RUNDC3B: variants seen among roughly 807,000 people sequenced by gnomAD.
RUNDC3B encodes the protein RUN domain-containing protein 3B.
Under a neutral mutation model 58.4 loss-of-function variants are expected in RUNDC3B, and 33 were observed. The ratio of observed to expected loss-of-function variants is 0.56; its 90% CI spans 0.43 to 0.75. The LOEUF (loss-of-function observed/expected upper bound fraction) is 0.75. Ranked by LOEUF, RUNDC3B falls within the 30% of genes least tolerant of loss-of-function variation. The pLI, the probability that RUNDC3B is intolerant of heterozygous loss-of-function variation, is 0.00. For synonymous variants in RUNDC3B, 193 were observed against 195.2 expected (o/e 0.99, Z 0.10); for missense variants, 501 against 535.7 (o/e 0.94, Z 0.64).
chr7:87,628,940 G>T lies in RUNDC3B; in HGVS notation c.117G>T (p.Val39=), dbSNP rs939912553. Residue 39 remains valine, a synonymous_variant, in exon 1 of 11, where the codon GTG becomes GTT. Transcript: ENST00000394654. ...TGGAGAGGAGGAACCTGATCACCGT[G>T]TGCAGGTACGGCAGCGCAGGGCGAG... The part of the protein sequence containing the change: ...AAVERRNLIT[V]CRFSVKTLID... 3.1e-6 allele frequency: 4 copies of T among 1,310,032 alleles called. No homozygotes were observed. Among genetic ancestry groups the T allele is most frequent in the Admixed American group, 3.1e-5 (1 of 32,484 alleles). The allele number at this position is 1,310,032 out of a possible 1,614,324, so 81.2% of individuals were successfully genotyped here.
intron 8 of RUNDC3B, among the ~76,000 whole-genome samples, chr7:87,785,388 C>T (rs1442108662): frequency 2.6e-5 from 4 of 152,142 alleles, no homozygotes; most frequent in African/African-American, 4.8e-5. Flanking sequence ...GGGGCTCCCT[C>T]CTCACTAGAG....
At chr7:87,771,718 A>G (rs1199688390) in intron 7 of RUNDC3B, among the ~76,000 whole-genome samples, 1 of 152,228 alleles carries the variant, frequency 6.6e-6, no homozygotes, top group Non-Finnish European at 1.5e-5. Context: ...AGAAACTTGC[A>G]TTTTAACACC....
chr7:87,749,967 T>C (rs1172939055), intron 6 of RUNDC3B, among the ~76,000 whole-genome samples: 2 of 151,990 alleles, frequency 1.3e-5, no homozygotes, highest in African/African-American at 4.8e-5. Flanking sequence ...CATGCTGGTG[T>C]GCTGCACCCA....
intron 2 of RUNDC3B, among the ~76,000 whole-genome samples, chr7:87,660,575 C>G (rs1824595927): frequency 6.6e-6 from 1 of 151,646 alleles, no homozygotes; most frequent in South Asian, 2.1e-4. Flanking sequence ...AGAGATTTGT[C>G]TGTTTTATTA....
At chr7:87,677,303 A>C (rs1238435266) in intron 2 of RUNDC3B, among the ~76,000 whole-genome samples, 1 of 150,678 alleles carries the variant, frequency 6.6e-6, no homozygotes, top group Admixed American at 6.6e-5. Flanking sequence ...ACACACACAC[A>C]CACACACCAC....
At position 87,745,946 on chromosome 7, in the gene RUNDC3B, A is replaced by G. The variant is rs192059385; in HGVS notation, c.629+4367A>G. ...TTTGATATAGGTATTTAGGGCCATG[A>G]ACTTTCCTTTTAGCACCGCCTTTGC... On this transcript the variant is annotated intron_variant, in intron 6 of 10. Coordinates refer to ENST00000394654, the MANE Select transcript of RUNDC3B (RefSeq NM_001134405.2). 5.4e-4 allele frequency among the ~76,000 whole-genome samples: 82 copies of G among 152,262 alleles called. No individual in the cohort carries two copies. The East Asian group carries it at 0.015, about 28-fold the overall frequency.
rs986073194 is a variant in RUNDC3B at position 87,691,892 on chromosome 7, C to T, written c.239-8529C>T. On this transcript the variant is annotated intron_variant, in intron 2 of 10. Coordinates refer to ENST00000394654, the MANE Select transcript of RUNDC3B (RefSeq NM_001134405.2). ...GGTCTTGGCAGCCTTGTCTCTGGGC[C>T]TACCTTTTCTCATCTGTAAAATGAG... Among the ~76,000 whole-genome samples, 4 of 152,134 alleles carry T rather than the reference C, an allele frequency of 2.6e-5. No homozygotes were observed. The South Asian group carries it at 8.3e-4, about 31-fold the overall frequency.
rs546129813 is a variant in RUNDC3B at position 87,813,850 on chromosome 7, A to G, written c.1104-2291A>G. On this transcript the variant is annotated intron_variant, in intron 9 of 10. Coordinates refer to ENST00000394654, the MANE Select transcript of RUNDC3B (RefSeq NM_001134405.2). The stretch of plus-strand genomic sequence containing the variant: ...AAAAAAAATAGCCGGGCGTGGTGGC[A>G]GGCGCCTGTAATCCCAGCTACTCAG... 5.2e-3 allele frequency among the ~76,000 whole-genome samples: 791 copies of G among 151,516 alleles called. 8 individuals carry two copies. Among genetic ancestry groups the G allele is most frequent in the African/African-American group, 0.018 (746 of 41,416 alleles).
At chr7:87,695,295 T>A (rs2130665888) in intron 2 of RUNDC3B, among the ~76,000 whole-genome samples, 1 of 152,256 alleles carries the variant, frequency 6.6e-6, no homozygotes, top group South Asian at 2.1e-4. Flanking sequence ...AGTACCTTTT[T>A]AAAGGAAAAG....
chr7:87,684,082 AT>A (rs1301072507), intron 2 of RUNDC3B, among the ~76,000 whole-genome samples: 1 of 152,214 alleles, frequency 6.6e-6, no homozygotes, highest in East Asian at 1.9e-4. Flanking sequence ...ATTTGACAAA[AT>A]TCAACTTTAA....
chr7:87,648,712 T>A (rs375818876), intron 1 of RUNDC3B, among the ~76,000 whole-genome samples: 14 of 152,268 alleles, frequency 9.2e-5, no homozygotes, highest in African/African-American at 3.1e-4. Flanking sequence ...TTTCCCGATA[T>A]AACTGGTTGT....
intron 2 of RUNDC3B, among the ~76,000 whole-genome samples, chr7:87,698,313 G>C (rs1031154628): frequency 3.3e-5 from 5 of 152,094 alleles, no homozygotes; most frequent in Non-Finnish European, 5.9e-5. Flanking sequence ...TGTTAGCCAG[G>C]ATGGTCTCCT....
intron 2 of RUNDC3B, among the ~76,000 whole-genome samples, chr7:87,692,789 T>C (rs889538181): frequency 6.6e-5 from 10 of 152,198 alleles, no homozygotes; most frequent in Admixed American, 6.5e-5. Context: ...GAAATTTCAT[T>C]TTTGTTTGTT....
At chr7:87,791,846 T>C (rs1457604748) in intron 8 of RUNDC3B, among the ~76,000 whole-genome samples, 1 of 151,962 alleles carries the variant, frequency 6.6e-6, no homozygotes. Flanking sequence ...AACAAAATGA[T>C]AGGAGTAATC....
intron 6 of RUNDC3B, among the ~76,000 whole-genome samples, chr7:87,754,053 G>T (rs1833201477): frequency 6.6e-6 from 1 of 152,122 alleles, no homozygotes; most frequent in Non-Finnish European, 1.5e-5. Flanking sequence ...TCTTGCTGGG[G>T]ATTTTATAGA....
chr7:87,668,809 C>T (rs1825533713), intron 2 of RUNDC3B, among the ~76,000 whole-genome samples: 1 of 152,020 alleles, frequency 6.6e-6, no homozygotes, highest in South Asian at 2.1e-4. Context: ...ATAGTCTTGA[C>T]TTCTATTTTT....
In RUNDC3B at chr7:87,637,147, C is replaced by T. The variant is rs1012405537; in HGVS notation, c.122+8202C>T. 5.3e-5 allele frequency among the ~76,000 whole-genome samples: 8 copies of T among 152,154 alleles called. No individual in the cohort carries two copies. In the South Asian group the frequency reaches 8.3e-4, roughly 16 times the overall value. The stretch of plus-strand genomic sequence containing the variant: ...TGTGGGGATTATGGGAACTACAATT[C>T]AAGATGAGATTTGGGTGGGGACACA... On this transcript the variant is annotated intron_variant, in intron 1 of 10. Transcript: ENST00000394654.
chr7:87,806,630 G>A (rs751954768), intron 8 of RUNDC3B, among the ~76,000 whole-genome samples: 5 of 152,124 alleles, frequency 3.3e-5, no homozygotes, highest in Non-Finnish European at 7.4e-5. Context: ...AATTTTGGCA[G>A]AAAGCAAATT....
intron 2 of RUNDC3B, among the ~76,000 whole-genome samples, chr7:87,672,814 G>C (rs1161151958): frequency 6.6e-6 from 1 of 152,122 alleles, no homozygotes; most frequent in African/African-American, 2.4e-5. Flanking sequence ...GGTTCCCCTG[G>C]CTCTGCGTTA....
Sources: gnomAD v4.1 joint callset for allele counts (sites outside exome capture counted in the v4.1 genomes callset) on GRCh38, gnomAD v4.1.1 for gene constraint, MANE v1.5 for transcripts, NCBI Gene and HGNC (gene_info 2026-07-23, HGNC 2026-07-21) for gene names.